Variants in TRPV3 observed in about 807,000 individuals in gnomAD.
The protein encoded by TRPV3 is VRL-3.
TRPV3 carries 88 observed loss-of-function variants against 87.1 expected under a neutral mutation model. The observed-to-expected ratio is 1.01, with a 90% CI of 0.85 to 1.21. TRPV3 has a LOEUF of 1.21. Among genes scored for constraint, TRPV3 ranks in the 50% most tolerant of loss-of-function variants. The pLI is 0.00. For missense variants in TRPV3, 1,054 were observed against 1,030.1 expected (o/e 1.02, Z -0.32); for synonymous variants, 438 against 423.3 (o/e 1.03, Z -0.43).
At chr17:3,533,018 T>G in intron 7 of TRPV3, 81 bp from the exon 8 acceptor site, 1 of 1,520,864 alleles carries the variant, frequency 6.6e-7, no homozygotes, top group Non-Finnish European at 8.9e-7. Flanking sequence ...GGGGCCCATA[T>G]CCTATCTCAG....
At position 3,528,685 on chromosome 17, in the gene TRPV3, T is replaced by C. The variant is rs2074321610; in HGVS notation, c.1401+152A>G. On this transcript the variant is annotated intron_variant, in intron 10 of 17. Transcript: ENST00000576742. This position sits in a 1 kb window ranked among gnomAD's most constrained non-coding sequence, Gnocchi z 4.2. ...GCCCAGGCTAAGCACTGAAGACATA[T>C]TCAGTTCCCTGGGAAGCGTGAAGGA... The C allele has an allele frequency of 2.2e-6, 2 of 891,100 alleles. No homozygotes were observed. The highest frequency in any genetic ancestry group is 3.4e-4 in the Middle Eastern group (1 of 2,908). The allele number at this position is 891,100 out of a possible 1,614,324, so 55.2% of individuals were successfully genotyped here. A position where few individuals can be genotyped will look rare whatever the true frequency, so the allele number is the denominator to read the frequency against.
Position 3,528,590 on chromosome 17 carries a change from C to T in TRPV3, c.1401+247G>A, listed in dbSNP as rs564221318. On this transcript the variant is annotated intron_variant, in intron 10 of 17. Transcript: ENST00000576742. This position sits in a 1 kb window ranked among gnomAD's most constrained non-coding sequence, Gnocchi z 4.2. ...TACAGACAGAGACCCTGTGCAGGGC[C>T]TGAGTCTCCGAATTCTCCAACTTTC... Among the ~76,000 whole-genome samples, 2 of 152,326 alleles carry T rather than the reference C, an allele frequency of 1.3e-5. No homozygotes were observed. Among genetic ancestry groups the T allele is most frequent in the Non-Finnish European group, 2.9e-5 (2 of 68,026 alleles).
intron 12 of TRPV3, among the ~76,000 whole-genome samples, chr17:3,524,731 G>T (rs564014798): frequency 1.3e-5 from 2 of 151,634 alleles, no homozygotes; most frequent in South Asian, 2.1e-4. Context: ...CAACACTTTG[G>T]GGGGCTGAGA....
At chr17:3,548,471 G>A (rs1435062861) in intron 2 of TRPV3, among the ~76,000 whole-genome samples, 1 of 152,238 alleles carries the variant, frequency 6.6e-6, no homozygotes, top group Non-Finnish European at 1.5e-5. Context: ...ACTAGCTCCA[G>A]GGGTTGGCCA....
intron 13 of TRPV3, among the ~76,000 whole-genome samples, chr17:3,521,318 A>T (rs139287964): frequency 1.2e-3 from 187 of 152,136 alleles, no homozygotes; most frequent in African/African-American, 4.2e-3. Context: ...GAATCCTCAC[A>T]CTTGCTGGGG....
In TRPV3 at chr17:3,556,186, G is replaced by GA. The variant is rs386364863; in HGVS notation, c.-2-1335dup. 9.5e-3 allele frequency among the ~76,000 whole-genome samples: 1,329 copies of GA among 139,744 alleles called. 18 individuals carry two copies. Among genetic ancestry groups the GA allele is most frequent in the African/African-American group, 0.03 (1,096 of 36,494 alleles). The allele number at this position is 139,744 out of a possible 152,430, so 91.7% of individuals were successfully genotyped here. A position where few individuals can be genotyped will look rare whatever the true frequency, so the allele number is the denominator to read the frequency against. ...AGCGAGACTCCGTCTCAAAAAAAAT[G>GA]AAAAAAAAAAAAAATAAAGTTTTTA... On this transcript the variant is annotated intron_variant, in intron 1 of 17. Coordinates refer to ENST00000576742, the MANE Select transcript of TRPV3 (RefSeq NM_145068.4). This position sits in a 1 kb window ranked among gnomAD's most constrained non-coding sequence, Gnocchi z 4.2.
At chr17:3,544,007 CT>C (rs1179652300) in intron 4 of TRPV3, among the ~76,000 whole-genome samples, 1 of 151,766 alleles carries the variant, frequency 6.6e-6, no homozygotes, top group Non-Finnish European at 1.5e-5. Context: ...CCTTTTGTTT[CT>C]TTTTTCTTTT....
At position 3,538,294 on chromosome 17, in the gene TRPV3, G is replaced by T. The variant is rs1036317720; in HGVS notation, c.644-2581C>A. On this transcript the variant is annotated intron_variant, in intron 6 of 17. Coordinates refer to ENST00000576742, the MANE Select transcript of TRPV3 (RefSeq NM_145068.4). ...ACAGTCTAAAAGAAAACTGAGAAAAGATTATAAACAAGCACCTCACAGAGG... is the reference window on the plus strand; with the variant it reads ...ACAGTCTAAAAGAAAACTGAGAAAATATTATAAACAAGCACCTCACAGAGG... Among the ~76,000 whole-genome samples, 8 of 152,172 alleles carry T rather than the reference G, an allele frequency of 5.3e-5. No individual in the cohort carries two copies. The East Asian group carries it at 5.8e-4, about 11-fold the overall frequency.
rs756563945 is a variant in TRPV3, at chr17:3,518,538, G to A, written c.2085+38C>T. ...ATGACCACGTGCTGAACTGAGTCCC[G>A]TGGAGGCCCCCACGCTGGGGTCTCC... On this transcript the variant is annotated intron_variant, in intron 15 of 17. Coordinates refer to ENST00000576742, the MANE Select transcript of TRPV3 (RefSeq NM_145068.4). This position sits in a 1 kb window ranked among gnomAD's most constrained non-coding sequence, Gnocchi z 4.3. 24 of 1,528,534 alleles carry A rather than the reference G, an allele frequency of 1.6e-5. No homozygotes were observed. The Admixed American group carries it at 2.6e-4, about 17-fold the overall frequency. 94.7% of individuals were successfully genotyped at this position (1,528,534 alleles called of 1,614,324 possible). A position where few individuals can be genotyped will look rare whatever the true frequency, so the allele number is the denominator to read the frequency against.
At chr17:3,532,989 TC>T in intron 7 of TRPV3, 52 bp from the exon 8 acceptor site, 1 of 1,595,304 alleles carries the variant, frequency 6.3e-7, no homozygotes, top group Non-Finnish European at 8.5e-7. Context: ...GGAAGCAGCG[TC>T]CCCCAAGCCC....
At chr17:3,546,434 T>C (rs1183250069) in intron 2 of TRPV3, among the ~76,000 whole-genome samples, 1 of 73,876 alleles carries the variant, frequency 1.4e-5, no homozygotes, top group Non-Finnish European at 3.7e-5. Context: ...AGAGCGAGAC[T>C]CTATCTCAAA....
intron 14 of TRPV3, among the ~76,000 whole-genome samples, chr17:3,520,128 C>G (rs1005805817): frequency 6.6e-6 from 1 of 151,942 alleles, no homozygotes; most frequent in Non-Finnish European, 1.5e-5. Flanking sequence ...AGGTACCAGA[C>G]AGATGGAAAC....
intron 6 of TRPV3, among the ~76,000 whole-genome samples, chr17:3,541,060 C>T (rs919811628): frequency 2.6e-5 from 4 of 152,202 alleles, no homozygotes; most frequent in Admixed American, 2.6e-4. Context: ...AAGCTAAACT[C>T]CCACCTGGAA....
At chr17:3,521,240 T>C (rs1464534046) in intron 13 of TRPV3, among the ~76,000 whole-genome samples, 2 of 151,738 alleles carry the variant, frequency 1.3e-5, no homozygotes, top group Non-Finnish European at 2.9e-5. Flanking sequence ...CTTCTGTTTC[T>C]GCTCCAGCCC....
At position 3,530,356 on chromosome 17, in the gene TRPV3, C is replaced by A; in HGVS notation, c.1066-153G>T. Reference sequence around the variant, plus strand: ...CGCCTGGCGCCATGGCCCCTGGGCCCCGTCTTTATCTGTGGAATGCGCACA... The same window carrying A: ...CGCCTGGCGCCATGGCCCCTGGGCCACGTCTTTATCTGTGGAATGCGCACA... On this transcript the variant is annotated intron_variant, in intron 8 of 17. Coordinates refer to ENST00000576742, the MANE Select transcript of TRPV3 (RefSeq NM_145068.4). This position sits in a 1 kb window ranked among gnomAD's most constrained non-coding sequence, Gnocchi z 4.0. 1.5e-6 allele frequency: 1 copy of A among 664,022 alleles called. No individual in the cohort carries two copies. The highest frequency in any genetic ancestry group is 2.5e-6 in the Non-Finnish European group (1 of 407,596). The allele number at this position is 664,022 out of a possible 1,614,324, so 41.1% of individuals were successfully genotyped here.
intron 2 of TRPV3, among the ~76,000 whole-genome samples, chr17:3,548,165 C>T (rs987965134): frequency 4.6e-5 from 7 of 152,176 alleles, no homozygotes; most frequent in African/African-American, 1.7e-4. Context: ...CATTCTAAGG[C>T]CCAGAAGGGA....
intron 12 of TRPV3, among the ~76,000 whole-genome samples, chr17:3,525,271 CG>C (rs2074289024): frequency 6.6e-6 from 1 of 152,204 alleles, no homozygotes; most frequent in Non-Finnish European, 1.5e-5. Flanking sequence ...CCACCCACCT[CG>C]GCCTCCCAAA....
chr17:3,522,674 G>T (rs1364281241), intron 13 of TRPV3, among the ~76,000 whole-genome samples: 1 of 149,226 alleles, frequency 6.7e-6, no homozygotes. Context: ...ACAAAAATTA[G>T]CTGGGCATGG....
Position 3,557,487 on chromosome 17 carries a change from A to G in TRPV3, c.-3+189T>C, listed in dbSNP as rs1419208643. On this transcript the variant is annotated intron_variant, in intron 1 of 17. Transcript: ENST00000576742. The surrounding 1 kb of genome is among the most constrained non-coding windows in gnomAD (Gnocchi z 4.5). Reference sequence around the variant, plus strand: ...ATATTCTCACACATCCCTACAGCCAAGAGTGCAGCCAAGAGTGCCTCCCTA... The same window carrying G: ...ATATTCTCACACATCCCTACAGCCAGGAGTGCAGCCAAGAGTGCCTCCCTA... Among the ~76,000 whole-genome samples, 1 of 152,162 alleles carries G rather than the reference A, an allele frequency of 6.6e-6. No individual in the cohort carries two copies. The highest frequency in any genetic ancestry group is 2.4e-5 in the African/African-American group (1 of 41,436).
Sources: gnomAD v4.1 joint callset for allele counts (sites outside exome capture counted in the v4.1 genomes callset) on GRCh38, gnomAD v4.1.1 for gene constraint, Gnocchi (gnomAD v3.1) non-coding constraint, MANE v1.5 for transcripts, NCBI Gene and HGNC (gene_info 2026-07-23, HGNC 2026-07-21) for gene names.